GSE1: variants seen among roughly 807,000 people sequenced by gnomAD.
The protein encoded by GSE1 is Gse1 coiled-coil protein, also known as genetic suppressor element 1.
GSE1 carries 32 observed loss-of-function variants against 112.6 expected under a neutral mutation model. That is an observed-to-expected ratio of 0.28 (90% CI 0.21 to 0.38). The LOEUF (loss-of-function observed/expected upper bound fraction) is 0.38, where lower values mean the gene tolerates loss of function less well. GSE1 is among the 10% of genes least tolerant of loss of function. GSE1 has a pLI of 1.00. For synonymous variants in GSE1, 1,115 were observed against 735.6 expected (o/e 1.52, Z -8.35); for missense variants, 2,348 against 1,699.2 (o/e 1.38, Z -6.71).
At chr16:85,246,397 C>CACCCCAT (rs1905768013) in intron 1 of GSE1, among the ~76,000 whole-genome samples, 1 of 82,784 alleles carries the variant, frequency 1.2e-5, no homozygotes, top group African/African-American at 5.7e-5. Context: ...ACACCCCACA[C>CACCCCAT]GCTGTCTACA....
At chr16:85,623,436 C>G (rs1302664443) in intron 1 of GSE1, among the ~76,000 whole-genome samples, 1 of 152,202 alleles carries the variant, frequency 6.6e-6, no homozygotes, top group African/African-American at 2.4e-5. Context: ...AACTGAGGCT[C>G]AGGCCATGCG....
chr16:85,656,460 C>T lies in GSE1; in HGVS notation c.1107C>T (p.Arg369=), dbSNP rs750844501. The stretch of plus-strand genomic sequence containing the variant: ...GTGAGCGCGAACGCGAGAAGGAGCG[C>T]GAGCAAGAGAAGGAGCGTGAGCGTG... ...KEREREREKE[R]EQEKEREREK... The change falls in exon 7 of 16, where the codon CGC becomes CGT. Residue 369 remains arginine (R), a synonymous_variant. Transcript: ENST00000253458. 61 of 1,539,324 alleles carry T rather than the reference C, an allele frequency of 4.0e-5. No individual in the cohort carries two copies. Among genetic ancestry groups the T allele is most frequent in the South Asian group, 1.7e-4 (14 of 84,686 alleles).
chr16:85,272,923 T>G (rs1433224429), intron 1 of GSE1, among the ~76,000 whole-genome samples: 1 of 152,078 alleles, frequency 6.6e-6, no homozygotes, highest in Non-Finnish European at 1.5e-5. Context: ...ATTACAGGCA[T>G]GCACTATTAT....
At chr16:85,281,519 C>T (rs747188370) in intron 1 of GSE1, among the ~76,000 whole-genome samples, 2 of 152,160 alleles carry the variant, frequency 1.3e-5, no homozygotes, top group East Asian at 1.9e-4. Flanking sequence ...TGCATCGGAG[C>T]GCCGTCTAAC....
upstream of GSE1, among the ~76,000 whole-genome samples, chr16:85,606,454 CT>C (rs1308920621): frequency 3.3e-5 from 5 of 152,248 alleles, no homozygotes; most frequent in African/African-American, 1.2e-4. Context: ...CACAGCTGCA[CT>C]GTCTGGATGT....
chr16:85,650,563 C>T (rs1028185400), intron 3 of GSE1, among the ~76,000 whole-genome samples: 40 of 152,214 alleles, frequency 2.6e-4, no homozygotes, highest in African/African-American at 5.1e-4. Flanking sequence ...GGTCCCTCCT[C>T]GGAGGGTCCT....
At chr16:85,365,411 A>G (rs771938627) in intron 2 of GSE1, among the ~76,000 whole-genome samples, 3 of 152,194 alleles carry the variant, frequency 2.0e-5, no homozygotes, top group Non-Finnish European at 2.9e-5. Context: ...CCTGTGGACA[A>G]AGGGGCAGCT....
chr16:85,452,860 C>T (rs933104631), intron 2 of GSE1, among the ~76,000 whole-genome samples: 6 of 152,314 alleles, frequency 3.9e-5, no homozygotes, highest in South Asian at 4.1e-4. Context: ...CTCTGCCAGG[C>T]GCTGGGCTAG....
chr16:85,384,076 A>G (rs1344079368), intron 2 of GSE1, among the ~76,000 whole-genome samples: 1 of 152,106 alleles, frequency 6.6e-6, no homozygotes, highest in Non-Finnish European at 1.5e-5. Context: ...GCTGCTCCAG[A>G]GAGCACGTCT....
At chr16:85,474,281 C>T (rs1486616907) in intron 2 of GSE1, among the ~76,000 whole-genome samples, 3 of 152,074 alleles carry the variant, frequency 2.0e-5, no homozygotes, top group African/African-American at 4.8e-5. Context: ...CCCGCCGGCC[C>T]GTGCTCCAAT....
At chr16:85,659,538 C>G (rs893476520) in intron 8 of GSE1, 7 of 152,320 alleles carry the variant, frequency 4.6e-5, no homozygotes, top group African/African-American at 1.7e-4. Context: ...CGGGGGACCA[C>G]CAGGTTGCCT....
intron 1 of GSE1, among the ~76,000 whole-genome samples, chr16:85,632,443 G>T (rs1293370831): frequency 6.6e-6 from 1 of 152,202 alleles, no homozygotes; most frequent in Non-Finnish European, 1.5e-5. Context: ...TATCAGGAGA[G>T]GGAGGACTTG....
At chr16:85,648,849 A>G in intron 3 of GSE1, 98 bp downstream of exon 3, 4 of 647,496 alleles carry the variant, frequency 6.2e-6, no homozygotes, top group South Asian at 2.3e-5. Flanking sequence ...TTGAGTTTAC[A>G]TTCCAGACAC....
chr16:85,396,928 A>C (rs2047979491), intron 2 of GSE1, among the ~76,000 whole-genome samples: 1 of 152,166 alleles, frequency 6.6e-6, no homozygotes, highest in Admixed American at 6.5e-5. Context: ...GGTCATGGAG[A>C]GAGACAGAGG....
chr16:85,616,678 G>A (rs1309761651), intron 1 of GSE1, among the ~76,000 whole-genome samples: 6 of 152,016 alleles, frequency 3.9e-5, no homozygotes, highest in Admixed American at 1.3e-4. Context: ...AAGCCTGGCC[G>A]CCTGGCTTTA....
At chr16:85,402,305 G>A (rs1454082551) in intron 2 of GSE1, among the ~76,000 whole-genome samples, 1 of 152,208 alleles carries the variant, frequency 6.6e-6, no homozygotes. Flanking sequence ...AGAAGCTCGG[G>A]GGAGAGGAGT....
chr16:85,354,347 A>C (rs2046908066), intron 1 of GSE1, among the ~76,000 whole-genome samples: 1 of 152,204 alleles, frequency 6.6e-6, no homozygotes, highest in Non-Finnish European at 1.5e-5. Flanking sequence ...TCCTGCCTCC[A>C]TGCCTTGTTG....
chr16:85,287,547 C>A (rs986505843), intron 1 of GSE1, among the ~76,000 whole-genome samples: 1 of 152,130 alleles, frequency 6.6e-6, no homozygotes, highest in Non-Finnish European at 1.5e-5. Flanking sequence ...TGCCTCAGGG[C>A]CTTTGTACCC....
At position 85,354,180 on chromosome 16, in the gene GSE1, C is replaced by A. The variant is rs1377236151; in HGVS notation, c.2284-3283C>A. 4.6e-5 allele frequency among the ~76,000 whole-genome samples: 7 copies of A among 152,206 alleles called. No homozygotes were observed. In the East Asian group the frequency reaches 1.3e-3, roughly 29 times the overall value. On this transcript the variant is annotated intron_variant, in intron 1 of 2. Coordinates refer to the GSE1 transcript ENST00000637419. ...GTACTTGTCATCTGTGCTCCCATCT[C>A]CCCCGGTGGTATTCCCTCTTGCCAT... is the stretch of plus-strand genomic sequence containing the variant.
Sources: gnomAD v4.1 joint callset for allele counts (sites outside exome capture counted in the v4.1 genomes callset) on GRCh38, gnomAD v4.1.1 for gene constraint, MANE v1.5 for transcripts, NCBI Gene and HGNC (gene_info 2026-07-23, HGNC 2026-07-21) for gene names.